The following HCN1 variants were observed in gnomAD, a reference collection of about 807,000 sequenced individuals.
HCN1 encodes the protein potassium/sodium hyperpolarization-activated cyclic nucleotide-gated channel 1.
Under a neutral mutation model 78.9 loss-of-function variants are expected in HCN1, and 13 were observed. The observed-to-expected ratio is 0.16, with a 90% CI of 0.11 to 0.26. HCN1 has a LOEUF of 0.26. Among genes scored for constraint, HCN1 ranks in the 10% least tolerant of loss-of-function variants. HCN1 has a pLI of 1.00. For missense variants in HCN1, 810 were observed against 1,154.3 expected, an observed-to-expected ratio of 0.70 and a Z score of 4.32; for synonymous variants, 552 against 455.5, an observed-to-expected ratio of 1.21 and a Z score of -2.70.
chr5:45,407,583 G>A (rs986378106), intron 3 of HCN1, among the ~76,000 whole-genome samples: 1 of 151,930 alleles, frequency 6.6e-6, no homozygotes, highest in African/African-American at 2.4e-5. Context: ...GCAGTGGCGC[G>A]ATCTTGGCTC....
At chr5:45,686,139 A>C (rs988434803) in intron 1 of HCN1, among the ~76,000 whole-genome samples, 5 of 151,670 alleles carry the variant, frequency 3.3e-5, no homozygotes, top group African/African-American at 1.2e-4. Flanking sequence ...TTCTATTATA[A>C]TTGAGAAAAT....
intron 4 of HCN1, among the ~76,000 whole-genome samples, chr5:45,379,345 A>G (rs904582245): frequency 4.6e-5 from 7 of 152,072 alleles, no homozygotes; most frequent in Non-Finnish European, 8.8e-5. Flanking sequence ...GTGAAACACT[A>G]TTTAGGAAAA....
chr5:45,493,444 AAATG>A (rs1180719315), intron 2 of HCN1, among the ~76,000 whole-genome samples: 1 of 152,138 alleles, frequency 6.6e-6, no homozygotes, highest in Non-Finnish European at 1.5e-5. Context: ...CCTTTTACAT[AAATG>A]AATGTTTTTA....
At chr5:45,383,031 G>A (rs946795204) in intron 4 of HCN1, among the ~76,000 whole-genome samples, 2 of 150,270 alleles carry the variant, frequency 1.3e-5, no homozygotes, top group South Asian at 4.2e-4. Flanking sequence ...CATAACGTTT[G>A]TTTGTAAAGT....
At chr5:45,325,359 A>T (rs1378750004) in intron 5 of HCN1, among the ~76,000 whole-genome samples, 1 of 151,780 alleles carries the variant, frequency 6.6e-6, no homozygotes, top group Non-Finnish European at 1.5e-5. Flanking sequence ...TAGATTAACA[A>T]GTATCTGGAA....
In HCN1 at chr5:45,339,902, G is replaced by GT. The variant is rs200873066; in HGVS notation, c.1377+13197dup. 7.0e-4 allele frequency among the ~76,000 whole-genome samples: 107 copies of GT among 152,182 alleles called. No individual in the cohort carries two copies. In the East Asian group the frequency reaches 0.019, roughly 27 times the overall value. ...TTATGGTGTGGCAGGAGGAAGAATA[G>GT]TTTTTAATTTATGTATGTATTTATT... On this transcript the variant is annotated intron_variant, in intron 5 of 7. Transcript: ENST00000303230.
At chr5:45,537,254 T>C (rs1742983766) in intron 2 of HCN1, among the ~76,000 whole-genome samples, 1 of 152,100 alleles carries the variant, frequency 6.6e-6, no homozygotes, top group Non-Finnish European at 1.5e-5. Flanking sequence ...CTGCCCTCAA[T>C]TTTTAAAAAA....
intron 2 of HCN1, among the ~76,000 whole-genome samples, chr5:45,615,562 T>G (rs1744927982): frequency 6.6e-6 from 1 of 151,984 alleles, no homozygotes; most frequent in South Asian, 2.1e-4. Flanking sequence ...CAGTGGATCA[T>G]TCTAGCCTCT....
chr5:45,659,106 T>G (rs1473627923), intron 1 of HCN1, among the ~76,000 whole-genome samples: 1 of 152,102 alleles, frequency 6.6e-6, no homozygotes, highest in Non-Finnish European at 1.5e-5. Flanking sequence ...GCTAGAGATC[T>G]GAGAACGGGC....
intron 2 of HCN1, among the ~76,000 whole-genome samples, chr5:45,513,072 A>AT (rs1196663949): frequency 6.6e-6 from 1 of 152,152 alleles, no homozygotes; most frequent in African/African-American, 2.4e-5. Flanking sequence ...AGTTGATTAT[A>AT]TTTCGAAGAC....
chr5:45,291,199 C>A (rs1239714759), intron 6 of HCN1, among the ~76,000 whole-genome samples: 1 of 152,018 alleles, frequency 6.6e-6, no homozygotes, highest in African/African-American at 2.4e-5. Context: ...TACTTCTCTA[C>A]CTCCAATAAC....
intron 5 of HCN1, among the ~76,000 whole-genome samples, chr5:45,330,525 T>G (rs1746323806): frequency 6.6e-6 from 1 of 150,808 alleles, no homozygotes; most frequent in African/African-American, 2.4e-5. Context: ...CATGTATATG[T>G]GTATATATAT....
chr5:45,678,814 C>T (rs1739646244), intron 1 of HCN1, among the ~76,000 whole-genome samples: 1 of 151,874 alleles, frequency 6.6e-6, no homozygotes. Context: ...TTTCTATTTT[C>T]AAGATTTGCC....
chr5:45,415,992 C>G (rs1740110759), intron 3 of HCN1, among the ~76,000 whole-genome samples: 1 of 151,850 alleles, frequency 6.6e-6, no homozygotes. Context: ...ACAAAAGAAA[C>G]CAGTATCTCT....
chr5:45,600,493 T>C (rs1744600893), intron 2 of HCN1, among the ~76,000 whole-genome samples: 1 of 152,110 alleles, frequency 6.6e-6, no homozygotes, highest in South Asian at 2.1e-4. Context: ...CCTGTGAAAA[T>C]ATTCTTTTGC....
At chr5:45,342,142 T>C (rs981861704) in intron 5 of HCN1, among the ~76,000 whole-genome samples, 2 of 152,204 alleles carry the variant, frequency 1.3e-5, no homozygotes, top group Non-Finnish European at 2.9e-5. Flanking sequence ...ATAGAGGTTA[T>C]GGAGCTTATG....
At chr5:45,686,647 T>C (rs1369715552) in intron 1 of HCN1, among the ~76,000 whole-genome samples, 1 of 152,226 alleles carries the variant, frequency 6.6e-6, no homozygotes, top group Non-Finnish European at 1.5e-5. Context: ...TTAATAAAGT[T>C]CTTTTGTTTA....
chr5:45,375,197 A>G (rs1320112748), intron 4 of HCN1, among the ~76,000 whole-genome samples: 21 of 112,900 alleles, frequency 1.9e-4, no homozygotes, highest in Non-Finnish European at 3.5e-4. Context: ...TATATATAAT[A>G]TAATATTTTA....
chr5:45,371,412 C>A (rs372748066), intron 4 of HCN1, among the ~76,000 whole-genome samples: 1 of 151,598 alleles, frequency 6.6e-6, no homozygotes, highest in African/African-American at 2.4e-5. Flanking sequence ...AAGAGAAGAT[C>A]CAAATAAAAA....
Sources: gnomAD v4.1 joint callset for allele counts (sites outside exome capture counted in the v4.1 genomes callset) on GRCh38, gnomAD v4.1.1 for gene constraint, MANE v1.5 for transcripts, NCBI Gene and HGNC (gene_info 2026-07-23, HGNC 2026-07-21) for gene names.